The following FAM117B variants were observed in gnomAD, a reference collection of about 807,000 sequenced individuals.
The protein encoded by FAM117B is family with sequence similarity 117 member B, also known as protein FAM117B.
A neutral mutation model predicts 52.8 loss-of-function variants in FAM117B; 22 were observed. The observed-to-expected ratio is 0.42, with a 90% CI of 0.30 to 0.59. The LOEUF (loss-of-function observed/expected upper bound fraction) is 0.59. FAM117B is among the 20% of genes least tolerant of loss of function. The pLI, the probability that FAM117B is intolerant of heterozygous loss-of-function variation, is 0.22. For missense variants in FAM117B, 678 were observed against 802.6 expected (o/e 0.84, Z 1.88); for synonymous variants, 309 against 324.1 (o/e 0.95, Z 0.50).
intron 6 of FAM117B, among the ~76,000 whole-genome samples, chr2:202,757,680 C>A (rs555029597): frequency 1.7e-4 from 26 of 152,304 alleles, no homozygotes; most frequent in South Asian, 1.5e-3. Context: ...GTTAATACAA[C>A]TTCCTTATTG....
chr2:202,691,384 A>G (rs1416587922), intron 1 of FAM117B, among the ~76,000 whole-genome samples: 2 of 152,194 alleles, frequency 1.3e-5, no homozygotes, highest in South Asian at 4.1e-4. Context: ...ATGCCTCTGC[A>G]CTCCAGCCTG....
chr2:202,656,519 G>T (rs1222838404), intron 1 of FAM117B, among the ~76,000 whole-genome samples: 2 of 152,182 alleles, frequency 1.3e-5, no homozygotes, highest in African/African-American at 2.4e-5. Context: ...GATTTTTCCA[G>T]ATAGCTTTCT....
At chr2:202,683,551 A>G (rs1472061152) in intron 1 of FAM117B, among the ~76,000 whole-genome samples, 4 of 152,238 alleles carry the variant, frequency 2.6e-5, no homozygotes, top group African/African-American at 9.6e-5. Flanking sequence ...CTTTATGCCA[A>G]TAAATTCAAC....
chr2:202,750,995 T>G (rs1157781554), intron 4 of FAM117B, among the ~76,000 whole-genome samples: 1 of 152,064 alleles, frequency 6.6e-6, no homozygotes, highest in Admixed American at 6.6e-5. Context: ...AGAAATTAGG[T>G]GTGTAGGTTT....
intron 2 of FAM117B, among the ~76,000 whole-genome samples, chr2:202,718,035 G>A (rs184444077): frequency 6.6e-6 from 1 of 152,238 alleles, no homozygotes; most frequent in East Asian, 1.9e-4. Context: ...TTTTCCATAG[G>A]CAGAGGAGCC....
Position 202,684,136 on chromosome 2 carries a change from G to A in FAM117B, c.602-11745G>A, listed in dbSNP as rs144651631. Among the ~76,000 whole-genome samples, 636 of 152,228 alleles carry A rather than the reference G, an allele frequency of 4.2e-3. 3 individuals carry two copies. Among genetic ancestry groups the A allele is most frequent in the Middle Eastern group, 0.014 (4 of 294 alleles). On this transcript the variant is annotated intron_variant, in intron 1 of 7. Coordinates refer to ENST00000392238, the MANE Select transcript of FAM117B (RefSeq NM_173511.4). ...CCTGCCTCAGCCTCCCAAAGTGCTG[G>A]GATTACTGGTGTGAGCCACTGCACC...
intron 1 of FAM117B, among the ~76,000 whole-genome samples, chr2:202,636,750 A>T (rs1559091005): frequency 6.6e-6 from 1 of 152,220 alleles, no homozygotes; most frequent in Non-Finnish European, 1.5e-5. Context: ...CTTCTGTTAG[A>T]ATTTTCCAGG....
chr2:202,711,884 T>C (rs1690962247), intron 2 of FAM117B, among the ~76,000 whole-genome samples: 1 of 152,156 alleles, frequency 6.6e-6, no homozygotes, highest in Non-Finnish European at 1.5e-5. Context: ...GATTCTCTCT[T>C]CTATTCCACT....
At chr2:202,737,339 T>G (rs1691455255) in intron 4 of FAM117B, among the ~76,000 whole-genome samples, 1 of 152,180 alleles carries the variant, frequency 6.6e-6, no homozygotes. Flanking sequence ...GATTGTACAA[T>G]TTATTAATTT....
chr2:202,680,892 C>G (rs186786309), intron 1 of FAM117B, among the ~76,000 whole-genome samples: 46 of 152,240 alleles, frequency 3.0e-4, no homozygotes, highest in Non-Finnish European at 6.3e-4. Flanking sequence ...AAAGAATAAG[C>G]ACCTGAAATA....
intron 1 of FAM117B, among the ~76,000 whole-genome samples, chr2:202,673,495 T>C (rs1690333401): frequency 7.6e-6 from 1 of 131,588 alleles, no homozygotes; most frequent in African/African-American, 2.8e-5. Flanking sequence ...TCGTCCAGGC[T>C]GGAGTGCAGT....
chr2:202,765,379 C>CTTTTT, intron 7 of FAM117B, 67 bp from the exon 8 acceptor site: 1 of 1,130,566 alleles, frequency 8.8e-7, no homozygotes, highest in Non-Finnish European at 1.2e-6. Flanking sequence ...TGTTTCCAAG[C>CTTTTT]TTTTTTTTTT....
At chr2:202,700,458 G>A (rs1690780660) in intron 2 of FAM117B, among the ~76,000 whole-genome samples, 1 of 152,218 alleles carries the variant, frequency 6.6e-6, no homozygotes, top group South Asian at 2.1e-4. Flanking sequence ...GCCTAATCTA[G>A]AGTAAGACCT....
rs1429840922 is a variant in FAM117B at position 202,766,062 on chromosome 2, ACACACACACAC to A, written c.*299_*309del. On this transcript the variant is annotated 3_prime_UTR_variant, in exon 8 of 8. Coordinates refer to ENST00000392238, the MANE Select transcript of FAM117B (RefSeq NM_173511.4). ...TGTTTTCGAATTAGACTTCTTTAAAACACACACACACACACACACACACACACACACACACA... is the reference window on the plus strand; with the variant it reads ...TGTTTTCGAATTAGACTTCTTTAAAAACACACACACACACACACACACACA... The A allele has an allele frequency of 2.8e-5, 1 of 35,250 alleles. No individual in the cohort carries two copies. Among genetic ancestry groups the A allele is most frequent in the African/African-American group, 2.9e-4 (1 of 3,448 alleles). 2.2% of individuals were successfully genotyped at this position (35,250 alleles called of 1,614,324 possible).
chr2:202,649,348 A>G (rs887401393), intron 1 of FAM117B, among the ~76,000 whole-genome samples: 1 of 151,952 alleles, frequency 6.6e-6, no homozygotes, highest in African/African-American at 2.4e-5. Context: ...ACTGTGTTCT[A>G]AAGTGGTTGT....
At chr2:202,653,579 A>G (rs1053071746) in intron 1 of FAM117B, among the ~76,000 whole-genome samples, 7 of 151,792 alleles carry the variant, frequency 4.6e-5, no homozygotes, top group Admixed American at 2.0e-4. Flanking sequence ...CTTGAAAACT[A>G]TTTTCTTGTC....
intron 1 of FAM117B, among the ~76,000 whole-genome samples, chr2:202,648,561 A>G (rs1056900713): frequency 2.0e-4 from 27 of 135,272 alleles, no homozygotes; most frequent in Admixed American, 1.5e-3. Context: ...ATATGTATGT[A>G]TGTGTGTGTG....
chr2:202,744,755 C>T (rs1158260534), intron 4 of FAM117B, among the ~76,000 whole-genome samples: 2 of 151,404 alleles, frequency 1.3e-5, no homozygotes, highest in Non-Finnish European at 2.9e-5. Flanking sequence ...GGGCAGATCA[C>T]CTGAGATCAG....
At chr2:202,660,179 T>G (rs993944061) in intron 1 of FAM117B, among the ~76,000 whole-genome samples, 33 of 152,270 alleles carry the variant, frequency 2.2e-4, no homozygotes, top group African/African-American at 6.3e-4. Flanking sequence ...ATGATTATAA[T>G]AGCTGCTTAA....
Sources: gnomAD v4.1 joint callset for allele counts (sites outside exome capture counted in the v4.1 genomes callset) on GRCh38, gnomAD v4.1.1 for gene constraint, MANE v1.5 for transcripts, NCBI Gene and HGNC (gene_info 2026-07-23, HGNC 2026-07-21) for gene names.